TCF20: variants seen among roughly 807,000 people sequenced by gnomAD.
TCF20 encodes transcription factor 20.
In TCF20, 3 loss-of-function variants were observed where a neutral mutation model predicts 148.6. That is an observed-to-expected ratio of 0.02 (90% CI 0.01 to 0.05). The LOEUF is 0.05. Among genes scored for constraint, TCF20 ranks in the 10% least tolerant of loss-of-function variants. The pLI is 1.00. For missense variants in TCF20, 2,350 were observed against 2,429.3 expected, an observed-to-expected ratio of 0.97 and a Z score of 0.69; for synonymous variants, 1,049 against 909.5, an observed-to-expected ratio of 1.15 and a Z score of -2.76.
At position 42,212,204 on chromosome 22, in the gene TCF20, A is replaced by G. The variant is rs765350852; in HGVS notation, c.3102T>C (p.Asn1034=). The change falls in exon 2 of 6, where the codon AAT becomes AAC. Residue 1034 remains asparagine, a synonymous_variant. Coordinates refer to ENST00000677622, the MANE Select transcript of TCF20 (RefSeq NM_001378418.1). ...RGPGGDPHHM[N]PHMTFSERAN... Reference sequence around the variant, plus strand: ...CCCTCTCTGAAAAGGTCATGTGTGGATTCATGTGATGAGGGTCTCCCCCTG... The same window carrying G: ...CCCTCTCTGAAAAGGTCATGTGTGGGTTCATGTGATGAGGGTCTCCCCCTG... The G allele has an allele frequency of 6.2e-7, 1 of 1,614,210 alleles. No homozygotes were observed. Among genetic ancestry groups the G allele is most frequent in the Non-Finnish European group, 8.5e-7 (1 of 1,180,044 alleles).
At chr22:42,272,108 T>TA (rs1165320236), upstream of TCF20, among the ~76,000 whole-genome samples, 1 of 152,224 alleles carries the variant, frequency 6.6e-6, no homozygotes. Context: ...TCCTGGGGAC[T>TA]TGATTCCCCA....
chr22:42,252,295 A>G (rs1002577812), intron 1 of TCF20, among the ~76,000 whole-genome samples: 1 of 151,538 alleles, frequency 6.6e-6, no homozygotes, highest in African/African-American at 2.4e-5. Context: ...AAAAAAAAAG[A>G]AAAAAATAAA....
At position 42,212,256 on chromosome 22, in the gene TCF20, T is replaced by A; in HGVS notation, c.3050A>T (p.Lys1017Ile). The change falls in exon 2 of 6, where the codon AAA (lysine) becomes ATA (isoleucine). Residue 1017 changes from lysine (K) to isoleucine (I), a missense_variant. Transcript: ENST00000677622. ...GCCTCTGCTCCGCCCAGGAGACATT[T>A]TCAATTTTTCTGCAAAGTCATGATA... ...SQYHDFAEKL[K>I]MSPGRSRGPG... The A allele has an allele frequency of 6.2e-7, 1 of 1,614,164 alleles. No individual in the cohort carries two copies. Among genetic ancestry groups the A allele is most frequent in the Non-Finnish European group, 8.5e-7 (1 of 1,180,020 alleles).
At chr22:42,342,803 G>A (rs541217732) in intron 1 of TCF20, among the ~76,000 whole-genome samples, 1 of 152,296 alleles carries the variant, frequency 6.6e-6, no homozygotes, top group Non-Finnish European at 1.5e-5. Flanking sequence ...CCCTCCTTCA[G>A]GGCTACCTAC....
chr22:42,222,003 G>A (rs1922419983), intron 1 of TCF20, among the ~76,000 whole-genome samples: 1 of 152,058 alleles, frequency 6.6e-6, no homozygotes, highest in Non-Finnish European at 1.5e-5. Flanking sequence ...CTCCCAAAGT[G>A]CTGGGATTAC....
At chr22:42,264,885 T>C (rs1926201429) in intron 1 of TCF20, among the ~76,000 whole-genome samples, 1 of 152,232 alleles carries the variant, frequency 6.6e-6, no homozygotes, top group South Asian at 2.1e-4. Context: ...TTAATCCACA[T>C]TCAGGGACAT....
chr22:42,323,637 C>A (rs184695244), intron 1 of TCF20, among the ~76,000 whole-genome samples: 1 of 151,754 alleles, frequency 6.6e-6, no homozygotes, highest in African/African-American at 2.4e-5. Flanking sequence ...GGAGGAGAAG[C>A]GGGAAGCAGG....
At position 42,211,200 on chromosome 22, in the gene TCF20, G is replaced by C; in HGVS notation, c.4106C>G (p.Ser1369Cys). The change falls in exon 2 of 6, where the codon TCT becomes TGT. Residue 1369 changes from serine (S) to cysteine (C), a missense_variant. Ser to Cys is a moderately radical substitution (Grantham distance 112). Coordinates refer to ENST00000677622, the MANE Select transcript of TCF20 (RefSeq NM_001378418.1). ...ITSPNIRRSASSNSAEAGGDT... is the reference protein window; with the variant it reads ...ITSPNIRRSACSNSAEAGGDT... ...TCCCCCAGCCTCCGCACTGTTCGAA[G>C]ATGCGCTCCTCCTAATATTTGGGGA... is the stretch of plus-strand genomic sequence containing the variant. The C allele has an allele frequency of 6.2e-7, 1 of 1,614,150 alleles. No homozygotes were observed. Among genetic ancestry groups the C allele is most frequent in the Non-Finnish European group, 8.5e-7 (1 of 1,180,030 alleles).
intron 1 of TCF20, among the ~76,000 whole-genome samples, chr22:42,300,527 G>A (rs1927318737): frequency 6.6e-6 from 1 of 152,182 alleles, no homozygotes; most frequent in African/African-American, 2.4e-5. Context: ...GCCCAGGAAG[G>A]GAAAGGCACT....
chr22:42,173,561 C>A (rs1456887260), intron 3 of TCF20, among the ~76,000 whole-genome samples: 1 of 152,158 alleles, frequency 6.6e-6, no homozygotes, highest in African/African-American at 2.4e-5. Context: ...GTTAGGGATT[C>A]TCAAACCAAG....
At chr22:42,191,078 TTTAAG>T (rs1937308556) in intron 2 of TCF20, among the ~76,000 whole-genome samples, 1 of 152,222 alleles carries the variant, frequency 6.6e-6, no homozygotes. Flanking sequence ...TTTGCCTCAA[TTTAAG>T]TTAAATCCAA....
At chr22:42,336,428 A>G (rs1055592307) in intron 1 of TCF20, among the ~76,000 whole-genome samples, 2 of 151,530 alleles carry the variant, frequency 1.3e-5, no homozygotes, top group Non-Finnish European at 2.9e-5. Context: ...TGCTTCAGGC[A>G]TCCCTTCTCC....
intron 3 of TCF20, among the ~76,000 whole-genome samples, chr22:42,170,662 A>C (rs1936082094): frequency 6.7e-6 from 1 of 148,742 alleles, no homozygotes. Context: ...AAAAGACTGA[A>C]AGGAAATCTA....
chr22:42,183,412 A>G (rs566548778), intron 2 of TCF20, among the ~76,000 whole-genome samples: 1 of 152,294 alleles, frequency 6.6e-6, no homozygotes, highest in South Asian at 2.1e-4. Context: ...AGGCCCATAA[A>G]AGCAAACGAT....
chr22:42,311,496 C>G (rs1011593639), intron 1 of TCF20, among the ~76,000 whole-genome samples: 2 of 152,168 alleles, frequency 1.3e-5, no homozygotes, highest in Non-Finnish European at 2.9e-5. Flanking sequence ...AGGATTGGGC[C>G]CTCTCTCAGC....
At chr22:42,230,601 T>C (rs772222435) in intron 1 of TCF20, among the ~76,000 whole-genome samples, 10 of 151,368 alleles carry the variant, frequency 6.6e-5, no homozygotes, top group Admixed American at 1.3e-4. Flanking sequence ...GCCGAGATCA[T>C]GCCACTGCAC....
Position 42,211,517 on chromosome 22 carries a change from G to A in TCF20, c.3789C>T (p.Pro1263=). 6.2e-7 allele frequency: 1 copy of A among 1,614,214 alleles called. No individual in the cohort carries two copies. The highest frequency in any genetic ancestry group is 8.5e-7 in the Non-Finnish European group (1 of 1,180,040). ...MRRRVRSFIS[P]IPSKRQSQDV... ...CTTGTGACTGTCTCTTACTGGGAAT[G>A]GGAGAGATAAAAGAACGAACACGCC... The change falls in exon 2 of 6, where the codon CCC becomes CCT. Residue 1263 remains proline, a synonymous_variant. Transcript: ENST00000677622.
chr22:42,339,102 G>A (rs1291982686), intron 1 of TCF20, among the ~76,000 whole-genome samples: 3 of 152,156 alleles, frequency 2.0e-5, no homozygotes, highest in Non-Finnish European at 4.4e-5. Flanking sequence ...CTTAACAGGT[G>A]CTCCCCAAAG....
At chr22:42,215,983 T>C (rs1161737849) in intron 1 of TCF20, among the ~76,000 whole-genome samples, 4 of 151,174 alleles carry the variant, frequency 2.6e-5, no homozygotes, top group Non-Finnish European at 5.9e-5. Flanking sequence ...GATTAAAATA[T>C]GGGGCTGTGT....
Sources: allele counts gnomAD v4.1 joint callset (sites outside exome capture counted in the v4.1 genomes callset), GRCh38; gene constraint gnomAD v4.1.1; transcripts MANE v1.5; gene names NCBI Gene and HGNC (gene_info 2026-07-23, HGNC 2026-07-21).